Variants in CTIF observed in about 807,000 individuals in gnomAD.
CTIF encodes the protein cap binding complex dependent translation initiation factor.
Under a neutral mutation model 66.0 loss-of-function variants are expected in CTIF, and 21 were observed. The observed-to-expected ratio is 0.32, with a 90% CI of 0.23 to 0.46. The LOEUF is 0.46. Ranked by LOEUF, CTIF falls within the 20% of genes least tolerant of loss-of-function variation. CTIF has a pLI of 1.00. For synonymous variants in CTIF, 345 were observed against 326.4 expected, an observed-to-expected ratio of 1.06 and a Z score of -0.62; for missense variants, 739 against 812.7, an observed-to-expected ratio of 0.91 and a Z score of 1.10.
chr18:48,596,718 C>T (rs941258647), intron 1 of CTIF, among the ~76,000 whole-genome samples: 4 of 152,208 alleles, frequency 2.6e-5, no homozygotes, highest in East Asian at 1.9e-4. Context: ...TCTTGTGATC[C>T]GCCCACCTCG....
chr18:48,638,079 C>T lies in CTIF; in HGVS notation c.252+1394C>T, dbSNP rs182123080. 1.2e-4 allele frequency among the ~76,000 whole-genome samples: 19 copies of T among 152,090 alleles called. No homozygotes were observed. The East Asian group carries it at 3.7e-3, about 30-fold the overall frequency. ...GGGGGTGCCTCTGTCTCTGCTGCCT[C>T]CCTGCCTGGGACCCCATGTTATGCT... On this transcript the variant is annotated intron_variant, in intron 3 of 11. Transcript: ENST00000256413.
chr18:48,733,796 C>T (rs1298474717), intron 7 of CTIF, among the ~76,000 whole-genome samples: 3 of 152,208 alleles, frequency 2.0e-5, no homozygotes, highest in African/African-American at 4.8e-5. Context: ...TCAGCTCCCA[C>T]CAGCCCACCC....
At chr18:48,840,044 C>T (rs139621825) in intron 10 of CTIF, among the ~76,000 whole-genome samples, 2 of 152,228 alleles carry the variant, frequency 1.3e-5, no homozygotes, top group African/African-American at 4.8e-5. Context: ...ACAGTTGCTC[C>T]CAGGCTGGGA....
chr18:48,653,730 G>A (rs1037404440), intron 3 of CTIF, among the ~76,000 whole-genome samples: 15 of 152,140 alleles, frequency 9.9e-5, no homozygotes, highest in South Asian at 2.1e-4. Context: ...AAACTATGCT[G>A]CAAGGCTACA....
At chr18:48,790,977 C>T (rs146553386) in intron 9 of CTIF, among the ~76,000 whole-genome samples, 1 of 152,336 alleles carries the variant, frequency 6.6e-6, no homozygotes, top group Non-Finnish European at 1.5e-5. Flanking sequence ...ACCTGTCCAC[C>T]TTCTCACTCC....
intron 1 of CTIF, among the ~76,000 whole-genome samples, chr18:48,553,802 C>G (rs1484924130): frequency 1.3e-5 from 2 of 150,768 alleles, no homozygotes; most frequent in African/African-American, 4.8e-5. Flanking sequence ...GCTACAGGTG[C>G]CCGCCACCAT....
At chr18:48,800,986 C>T (rs2068037823) in intron 9 of CTIF, among the ~76,000 whole-genome samples, 1 of 152,252 alleles carries the variant, frequency 6.6e-6, no homozygotes, top group Admixed American at 6.5e-5. Flanking sequence ...CTCAACTGCC[C>T]TTCACCCATC....
intron 5 of CTIF, 35 bp from the exon 6 acceptor site, chr18:48,670,634 A>C (rs1365478684): frequency 6.3e-7 from 1 of 1,594,710 alleles, no homozygotes; most frequent in African/African-American, 1.3e-5. Flanking sequence ...TGAATGAGCC[A>C]TCTTTCCAAT....
At chr18:48,646,139 A>G (rs1478246948) in intron 3 of CTIF, among the ~76,000 whole-genome samples, 1 of 152,212 alleles carries the variant, frequency 6.6e-6, no homozygotes, top group Non-Finnish European at 1.5e-5. Context: ...AGTTACAGAG[A>G]GGGAGAAAAT....
chr18:48,769,941 C>G (rs1228259083), intron 9 of CTIF, among the ~76,000 whole-genome samples: 2 of 152,182 alleles, frequency 1.3e-5, no homozygotes, highest in Non-Finnish European at 2.9e-5. Flanking sequence ...TGGGATACCT[C>G]AATGTCAGTG....
At chr18:48,740,166 A>G (rs1028049541) in intron 7 of CTIF, among the ~76,000 whole-genome samples, 1 of 152,232 alleles carries the variant, frequency 6.6e-6, no homozygotes, top group Admixed American at 6.5e-5. Flanking sequence ...AGGCTGCCAT[A>G]GAGTCCAGGC....
intron 10 of CTIF, 51 bp downstream of exon 10, chr18:48,817,427 T>A: frequency 6.4e-7 from 1 of 1,564,172 alleles, no homozygotes; most frequent in Non-Finnish European, 8.7e-7. Context: ...GCACCAGGTC[T>A]GGAATGCGTC....
chr18:48,749,965 A>G (rs1393769554), intron 7 of CTIF, among the ~76,000 whole-genome samples: 1 of 152,190 alleles, frequency 6.6e-6, no homozygotes, highest in Non-Finnish European at 1.5e-5. Context: ...GTTCACGCGG[A>G]GCCTGGCGAC....
chr18:48,847,179 G>A (rs548091180), intron 10 of CTIF, among the ~76,000 whole-genome samples: 136 of 151,908 alleles, frequency 9.0e-4, no homozygotes, highest in African/African-American at 1.3e-3. Flanking sequence ...GTGGTGGTGC[G>A]TGCCTGTAGT....
At chr18:48,850,498 A>G (rs1400994227) in intron 10 of CTIF, among the ~76,000 whole-genome samples, 1 of 152,228 alleles carries the variant, frequency 6.6e-6, no homozygotes, top group Non-Finnish European at 1.5e-5. Context: ...CTCTTAGGAA[A>G]TCAGAGCCCT....
chr18:48,540,587 T>C (rs868634331), intron 1 of CTIF, among the ~76,000 whole-genome samples: 6 of 121,968 alleles, frequency 4.9e-5, no homozygotes, highest in Non-Finnish European at 8.8e-5. Context: ...TTTTCAGGGT[T>C]GGGGCTGGGG....
At chr18:48,760,167 C>A (rs1001400002) in intron 8 of CTIF, 6 of 152,158 alleles carry the variant, frequency 3.9e-5, no homozygotes, top group African/African-American at 1.5e-4. Flanking sequence ...TATTCCTTCA[C>A]CCAGGATTCA....
intron 10 of CTIF, among the ~76,000 whole-genome samples, chr18:48,843,309 C>T (rs1361614038): frequency 6.6e-6 from 1 of 152,146 alleles, no homozygotes; most frequent in African/African-American, 2.4e-5. Context: ...CTCCATCTGC[C>T]CTCCCCAGGG....
intron 3 of CTIF, among the ~76,000 whole-genome samples, chr18:48,655,093 G>A (rs1255600756): frequency 6.6e-6 from 1 of 151,800 alleles, no homozygotes; most frequent in Non-Finnish European, 1.5e-5. Context: ...TGCGCATTGT[G>A]CACATGTACC....
Sources: allele counts gnomAD v4.1 joint callset (sites outside exome capture counted in the v4.1 genomes callset), GRCh38; gene constraint gnomAD v4.1.1; transcripts MANE v1.5; gene names NCBI Gene and HGNC (gene_info 2026-07-23, HGNC 2026-07-21).